ODAD1: variants seen among roughly 807,000 people sequenced by gnomAD.
ODAD1 encodes outer dynein arm-docking complex subunit 1.
ODAD1 carries 49 observed loss-of-function variants against 67.2 expected under a neutral mutation model. The ratio of observed to expected loss-of-function variants is 0.73; its 90% CI spans 0.58 to 0.92. ODAD1 has a LOEUF of 0.92. Among genes scored for constraint, ODAD1 ranks in the 40% least tolerant of loss-of-function variants. ODAD1 has a pLI of 0.00. For missense variants in ODAD1, 897 were observed against 953.7 expected (o/e 0.94, Z 0.78); for synonymous variants, 345 against 393.7 (o/e 0.88, Z 1.46).
chr19:48,315,901 G>A (rs766753993), intron 5 of ODAD1, among the ~76,000 whole-genome samples: 5 of 152,014 alleles, frequency 3.3e-5, no homozygotes, highest in African/African-American at 4.8e-5. Context: ...CAATTTGCTC[G>A]TCCACTCGAC....
At position 48,296,973 on chromosome 19, in the gene ODAD1, G is replaced by A. The variant is rs758271530; in HGVS notation, c.*3C>T. On this transcript the variant is annotated 3_prime_UTR_variant, in exon 16 of 16. Coordinates refer to ENST00000674294, the MANE Select transcript of ODAD1 (RefSeq NM_001364171.2). ...GCAGGGTGGGGGCTGCGTGCCCCTC[G>A]TGTTAGCCCCGGGAGTCTTTGCTGG... The A allele has an allele frequency of 8.2e-6, 13 of 1,589,310 alleles. No individual in the cohort carries two copies. Among genetic ancestry groups the A allele is most frequent in the South Asian group, 7.9e-5 (7 of 88,502 alleles).
chr19:48,302,084 ATGGG>A (rs1056978365), intron 12 of ODAD1, among the ~76,000 whole-genome samples: 5 of 151,094 alleles, frequency 3.3e-5, no homozygotes, highest in African/African-American at 4.9e-5. Flanking sequence ...GGATGGATGG[ATGGG>A]TGGATGAATG....
rs1482785769 is a variant in ODAD1, at chr19:48,303,100, G to C, written c.989-5C>G. 2 of 1,612,048 alleles carry C rather than the reference G, an allele frequency of 1.2e-6. No homozygotes were observed. The highest frequency in any genetic ancestry group is 3.3e-4 in the Middle Eastern group (2 of 6,060). ...CAGCAAAGTTGCGCTCCTCGACTGGGAGAGTTGGGCAAGGCGGGGCCCAGA... is the reference window on the plus strand; with the variant it reads ...CAGCAAAGTTGCGCTCCTCGACTGGCAGAGTTGGGCAAGGCGGGGCCCAGA... On this transcript the variant is annotated splice_region_variant and splice_polypyrimidine_tract_variant and intron_variant, in intron 10 of 15. Transcript: ENST00000674294.
At chr19:48,306,850 C>A (rs572181330) in intron 7 of ODAD1, among the ~76,000 whole-genome samples, 1 of 151,972 alleles carries the variant, frequency 6.6e-6, no homozygotes, top group Admixed American at 6.6e-5. Flanking sequence ...AGTTCGAGAC[C>A]AGCCTGGCCA....
At chr19:48,318,129 T>C (rs538621828) in intron 5 of ODAD1, among the ~76,000 whole-genome samples, 2 of 152,222 alleles carry the variant, frequency 1.3e-5, no homozygotes, top group Admixed American at 6.5e-5. Flanking sequence ...GTAGCTGGGA[T>C]TACAGGCATG....
rs1969034764 is a variant in ODAD1, at chr19:48,321,794, T to A, written c.-180A>T. On this transcript the variant is annotated 5_prime_UTR_variant, in exon 1 of 16. Coordinates refer to ENST00000674294, the MANE Select transcript of ODAD1 (RefSeq NM_001364171.2). ...CGAGAGGTGCCGGTCTTAAGCTGAC[T>A]GTGACCACGTTAAATTAAGGATTCA... is the stretch of plus-strand genomic sequence containing the variant. 7.5e-6 allele frequency: 3 copies of A among 398,546 alleles called. No individual in the cohort carries two copies. The highest frequency in any genetic ancestry group is 1.3e-5 in the Non-Finnish European group (3 of 226,090). 24.7% of individuals were successfully genotyped at this position (398,546 alleles called of 1,614,324 possible). A position where few individuals can be genotyped will look rare whatever the true frequency, so the allele number is the denominator to read the frequency against.
chr19:48,321,088 A>G (rs763036592), intron 1 of ODAD1, among the ~76,000 whole-genome samples: 2 of 152,180 alleles, frequency 1.3e-5, no homozygotes, highest in Non-Finnish European at 2.9e-5. Flanking sequence ...AGTACAAAAA[A>G]TTAGCCGGAC....
rs1968780811 is a variant in ODAD1, at chr19:48,312,172, A to C, written c.361-56T>G. 2.7e-5 allele frequency: 38 copies of C among 1,431,002 alleles called. No individual in the cohort carries two copies. In the South Asian group the frequency reaches 4.4e-4, roughly 16 times the overall value. 88.6% of individuals were successfully genotyped at this position (1,431,002 alleles called of 1,614,324 possible). A position where few individuals can be genotyped will look rare whatever the true frequency, so the allele number is the denominator to read the frequency against. On this transcript the variant is annotated intron_variant, in intron 5 of 15. Transcript: ENST00000674294. ...GTTGCCTGAATGTGGGAGAGATTGA[A>C]TGGCCCAGGGAAAATGAGTCACTAA...
chr19:48,302,892 G>C, intron 11 of ODAD1, 30 bp from the exon 12 acceptor site: 1 of 1,610,720 alleles, frequency 6.2e-7, no homozygotes, highest in East Asian at 2.2e-5. Context: ...TGCTGGGCCA[G>C]ATGGCAGCCT....
chr19:48,308,901 C>G (rs1408368004), intron 7 of ODAD1, among the ~76,000 whole-genome samples: 1 of 152,026 alleles, frequency 6.6e-6, no homozygotes, highest in Non-Finnish European at 1.5e-5. Flanking sequence ...AGCTACAGAC[C>G]CGGGCCTCCC....
chr19:48,304,211 C>G, intron 8 of ODAD1, 71 bp from the exon 9 acceptor site: 7 of 1,296,214 alleles, frequency 5.4e-6, no homozygotes, highest in Non-Finnish European at 7.3e-6. Context: ...TGGGGATGGG[C>G]GGGGTCAGCC....
chr19:48,318,677 C>G (rs1001974549), intron 4 of ODAD1, 36 bp downstream of exon 4: 14 of 1,535,848 alleles, frequency 9.1e-6, no homozygotes, highest in Non-Finnish European at 1.2e-5. Context: ...CTCTGACCCC[C>G]TCCTCCCCAG....
intron 7 of ODAD1, among the ~76,000 whole-genome samples, chr19:48,307,888 C>A (rs1044423490): frequency 6.6e-6 from 1 of 151,504 alleles, no homozygotes; most frequent in Non-Finnish European, 1.5e-5. Context: ...TAGAAAGAAC[C>A]GGGACTCCTC....
intron 5 of ODAD1, among the ~76,000 whole-genome samples, chr19:48,316,490 C>T (rs889334422): frequency 6.6e-6 from 1 of 152,150 alleles, no homozygotes; most frequent in African/African-American, 2.4e-5. Flanking sequence ...ACATCCTTCC[C>T]GCAACACTTG....
chr19:48,310,595 A>C (rs1484423032), intron 7 of ODAD1, among the ~76,000 whole-genome samples: 2 of 152,202 alleles, frequency 1.3e-5, no homozygotes, highest in Non-Finnish European at 2.9e-5. Flanking sequence ...TGTCTACAAC[A>C]TATTGTCAAA....
chr19:48,301,375 G>GGATGGA (rs1968458139), intron 12 of ODAD1, among the ~76,000 whole-genome samples: 2 of 151,868 alleles, frequency 1.3e-5, no homozygotes, highest in African/African-American at 4.8e-5. Context: ...GGATGGATGG[G>GGATGGA]TGGATGATGG....
chr19:48,311,955 G>A (rs1031048699), intron 6 of ODAD1, 39 bp downstream of exon 6: 11 of 1,540,600 alleles, frequency 7.1e-6, no homozygotes, highest in African/African-American at 2.8e-5. Context: ...TCCCATAACC[G>A]CACAATTCAG....
chr19:48,302,576 G>A, intron 12 of ODAD1, 118 bp downstream of exon 12: 4 of 759,304 alleles, frequency 5.3e-6, no homozygotes, highest in Non-Finnish European at 8.5e-6. Context: ...ACAGATATGG[G>A]GCAACTGATA....
intron 5 of ODAD1, among the ~76,000 whole-genome samples, chr19:48,317,899 T>C (rs956030017): frequency 9.9e-5 from 15 of 152,098 alleles, no homozygotes; most frequent in African/African-American, 3.4e-4. Context: ...AGTAAAATCC[T>C]GTCTCTACTA....
Sources: allele counts gnomAD v4.1 joint callset (sites outside exome capture counted in the v4.1 genomes callset), GRCh38; gene constraint gnomAD v4.1.1; transcripts MANE v1.5; gene names NCBI Gene and HGNC (gene_info 2026-07-23, HGNC 2026-07-21).